The following TNFRSF14 variants were observed in gnomAD, a reference collection of about 807,000 sequenced individuals.
The protein encoded by TNFRSF14 is tumor necrosis factor receptor superfamily member 14.
A neutral mutation model predicts 34.1 loss-of-function variants in TNFRSF14; 18 were observed. That is an observed-to-expected ratio of 0.53 (90% CI 0.36 to 0.78). TNFRSF14 has a LOEUF of 0.78. Ranked by LOEUF, TNFRSF14 falls within the 30% of genes least tolerant of loss-of-function variation. The pLI, the probability that TNFRSF14 is intolerant of heterozygous loss-of-function variation, is 0.00. For synonymous variants in TNFRSF14, 157 were observed against 153.2 expected, an observed-to-expected ratio of 1.02 and a Z score of -0.18; for missense variants, 352 against 379.5, an observed-to-expected ratio of 0.93 and a Z score of 0.60.
rs1644343445 is a variant in TNFRSF14 at position 2,563,562 on chromosome 1, A to G, written c.*289A>G. On this transcript the variant is annotated 3_prime_UTR_variant, in exon 8 of 8. Transcript: ENST00000355716. Reference sequence around the variant, plus strand: ...GTTGCCCCTCGCTCACAGACCACACACCCAGCCCTCCTGGGCCAGCCCAGA... The same window carrying G: ...GTTGCCCCTCGCTCACAGACCACACGCCCAGCCCTCCTGGGCCAGCCCAGA... The G allele has an allele frequency of 4.9e-6, 2 of 409,934 alleles. No individual in the cohort carries two copies. 25.4% of individuals were successfully genotyped at this position (409,934 alleles called of 1,614,324 possible).
In TNFRSF14 at chr1:2,559,838, C is replaced by T. The variant is rs374643973; in HGVS notation, c.320C>T (p.Ala107Val). The T allele has an allele frequency of 8.7e-6, 14 of 1,607,618 alleles. No individual in the cohort carries two copies. The highest frequency in any genetic ancestry group is 8.0e-5 in the African/African-American group (6 of 74,886). The change falls in exon 4 of 8, where the codon GCG becomes GTG. Residue 107 changes from alanine to valine, a missense_variant. By Grantham distance (64) the Ala-to-Val change is moderately conservative. Coordinates refer to ENST00000355716, the MANE Select transcript of TNFRSF14 (RefSeq NM_003820.4). ...TGGACTCCAGCCATGGGCCTGCGCGCGAGCCGGAACTGCTCCAGGACAGAG... is the reference window on the plus strand; with the variant it reads ...TGGACTCCAGCCATGGGCCTGCGCGTGAGCCGGAACTGCTCCAGGACAGAG... ...QMCDPAMGLR[A>V]SRNCSRTENA...
upstream of TNFRSF14, chr1:2,556,112 C>T (rs539043445): frequency 1.7e-5 from 6 of 358,612 alleles, no homozygotes; most frequent in African/African-American, 8.5e-5. Context: ...TTGGCCAGAC[C>T]GCATTCTGGT....
chr1:2,561,318 A>G lies in TNFRSF14; in HGVS notation c.552-355A>G. On this transcript the variant is annotated intron_variant, in intron 5 of 7. Coordinates refer to ENST00000355716, the MANE Select transcript of TNFRSF14 (RefSeq NM_003820.4). The surrounding 1 kb of genome is among the most constrained non-coding windows in gnomAD (Gnocchi z 6.0). ...TCCAGCTCTAACCATTTTTGTCCCG[A>G]CACTGGCTCTCCCTCTACCTTCTGT... 1.6e-6 allele frequency: 1 copy of G among 625,062 alleles called. No homozygotes were observed. Among genetic ancestry groups the G allele is most frequent in the Non-Finnish European group, 2.8e-6 (1 of 360,860 alleles). The allele number at this position is 625,062 out of a possible 1,614,324, so 38.7% of individuals were successfully genotyped here. A position where few individuals can be genotyped will look rare whatever the true frequency, so the allele number is the denominator to read the frequency against.
chr1:2,559,394 G>A (rs1323141656), intron 3 of TNFRSF14: 3 of 1,381,550 alleles, frequency 2.2e-6, no homozygotes, highest in Non-Finnish European at 2.9e-6. Context: ...GAAGAAGTGG[G>A]GCTCTCACCC....
At position 2,563,161 on chromosome 1, in the gene TNFRSF14, A is replaced by G; in HGVS notation, c.740A>G (p.Glu247Gly). 6.2e-7 allele frequency: 1 copy of G among 1,613,452 alleles called. No individual in the cohort carries two copies. Among genetic ancestry groups the G allele is most frequent in the Non-Finnish European group, 8.5e-7 (1 of 1,179,986 alleles). ...GTGTGCTCACAGCGGAAAAGACAGG[A>G]GGCAGAAGGTGAGGCCACAGTCATT... ...VIVSVQRKRQ[E>G]AEGEATVIEA... The change falls in exon 8 of 8, where the codon GAG becomes GGG. Residue 247 changes from glutamate (E) to glycine (G), a missense_variant. Transcript: ENST00000355716.
Position 2,561,539 on chromosome 1 carries a change from G to A in TNFRSF14, c.552-134G>A. The A allele has an allele frequency of 6.4e-7, 1 of 1,563,016 alleles. No individual in the cohort carries two copies. The highest frequency in any genetic ancestry group is 8.7e-7 in the Non-Finnish European group (1 of 1,153,480). ...CAGACCTCTGAGGTCTCATCCTGGA[G>A]CTGCCACCAGCCCAGCCTCCCTGGG... On this transcript the variant is annotated intron_variant, in intron 5 of 7. Transcript: ENST00000355716. The surrounding 1 kb of genome is among the most constrained non-coding windows in gnomAD (Gnocchi z 6.0).
At position 2,563,317 on chromosome 1, in the gene TNFRSF14, G is replaced by C. The variant is rs780880128; in HGVS notation, c.*44G>C. On this transcript the variant is annotated 3_prime_UTR_variant, in exon 8 of 8. Coordinates refer to ENST00000355716, the MANE Select transcript of TNFRSF14 (RefSeq NM_003820.4). ...CGACGCCAGAGATACCTGGAGCGAC[G>C]GCTGCTGAAAGAGGCTGTCCACCTG... 5 of 1,604,178 alleles carry C rather than the reference G, an allele frequency of 3.1e-6. No individual in the cohort carries two copies. Among genetic ancestry groups the C allele is most frequent in the Non-Finnish European group, 4.3e-6 (5 of 1,173,308 alleles).
At chr1:2,559,725 G>T in intron 3 of TNFRSF14, 98 bp from the exon 4 acceptor site, 1 of 1,538,140 alleles carries the variant, frequency 6.5e-7, no homozygotes, top group Non-Finnish European at 8.7e-7. Context: ...CTGGCAGGGC[G>T]CCCTGGCAGC....
At chr1:2,556,952 C>T (rs1335873912) in intron 1 of TNFRSF14, 3 of 503,382 alleles carry the variant, frequency 6.0e-6, no homozygotes, top group Non-Finnish European at 1.1e-5. Context: ...CAGCAGACCT[C>T]CTCCTGCGTG....
intron 3 of TNFRSF14, chr1:2,559,070 C>G: frequency 7.3e-7 from 1 of 1,369,430 alleles, no homozygotes; most frequent in Non-Finnish European, 9.6e-7. Context: ...GCCAGTGCTC[C>G]CTGCGGCCAG....
chr1:2,556,852 G>A (rs1040720623), intron 1 of TNFRSF14, 119 bp downstream of exon 1: 17 of 1,038,356 alleles, frequency 1.6e-5, no homozygotes, highest in Admixed American at 5.8e-5. Flanking sequence ...CGTCCAGCCC[G>A]TCCCCTGCTG....
chr1:2,562,640 GC>G, intron 6 of TNFRSF14: 3 of 624,316 alleles, frequency 4.8e-6, no homozygotes, highest in South Asian at 1.9e-5. Flanking sequence ...TGGGCCGGGC[GC>G]CCCCAGTCCT....
rs1050436358 is a variant in TNFRSF14 at position 2,556,619 on chromosome 1, T to C, written c.-46T>C. The C allele has an allele frequency of 6.3e-7, 1 of 1,582,512 alleles. No homozygotes were observed. Among genetic ancestry groups the C allele is most frequent in the Non-Finnish European group, 8.6e-7 (1 of 1,158,994 alleles). On this transcript the variant is annotated 5_prime_UTR_variant, in exon 1 of 8. Transcript: ENST00000355716. Reference sequence around the variant, plus strand: ...TGGCGCTGAGTTCCTCTGCTGGAGTTCATCCTGCTAGCTGGGTTCCCGAGC... The same window carrying C: ...TGGCGCTGAGTTCCTCTGCTGGAGTCCATCCTGCTAGCTGGGTTCCCGAGC...
chr1:2,560,511 C>T (rs1244387416), intron 4 of TNFRSF14, 113 bp from the exon 5 acceptor site: 2 of 734,738 alleles, frequency 2.7e-6, no homozygotes, highest in East Asian at 2.7e-5. Context: ...GCTGGTCCTC[C>T]CATCACCCGT....
chr1:2,563,122 G>A lies in TNFRSF14; in HGVS notation c.727-26G>A, dbSNP rs189581516. ...GTCCCAGGGGGGCCTGAGCAGGCAGGGTCTCCACGATTCGTGTGCTCACAG... is the reference window on the plus strand; with the variant it reads ...GTCCCAGGGGGGCCTGAGCAGGCAGAGTCTCCACGATTCGTGTGCTCACAG... On this transcript the variant is annotated intron_variant, in intron 7 of 7. Transcript: ENST00000355716. The A allele has an allele frequency of 3.9e-4, 634 of 1,612,484 alleles. No homozygotes were observed. In the African/African-American group the frequency reaches 7.4e-3, roughly 19 times the overall value.
rs1293490848 is a variant in TNFRSF14, at chr1:2,561,617, A to G, written c.552-56A>G. 1.9e-6 allele frequency: 3 copies of G among 1,608,824 alleles called. No individual in the cohort carries two copies. Among genetic ancestry groups the G allele is most frequent in the Admixed American group, 3.4e-5 (2 of 59,526 alleles). ...GAGCCAGGGAGGCTCCCTGAGGCTGAGTGAACACTGGGCGCTGCACCTGCC... is the reference window on the plus strand; with the variant it reads ...GAGCCAGGGAGGCTCCCTGAGGCTGGGTGAACACTGGGCGCTGCACCTGCC... On this transcript the variant is annotated intron_variant, in intron 5 of 7. Coordinates refer to ENST00000355716, the MANE Select transcript of TNFRSF14 (RefSeq NM_003820.4). The surrounding 1 kb of genome is among the most constrained non-coding windows in gnomAD (Gnocchi z 6.0).
intron 7 of TNFRSF14, 33 bp downstream of exon 7, chr1:2,562,929 TC>T: frequency 8.4e-7 from 1 of 1,191,620 alleles, no homozygotes; most frequent in Non-Finnish European, 1.2e-6. Flanking sequence ...CCCTCCCCCC[TC>T]CACCTTCCCA....
chr1:2,554,424 G>C (rs1270490651), upstream of TNFRSF14: 2 of 152,638 alleles, frequency 1.3e-5, no homozygotes, highest in Non-Finnish European at 2.9e-5. This position sits in a 1 kb window ranked among gnomAD's most constrained non-coding sequence, Gnocchi z 4.2. Context: ...CATTCTGTGA[G>C]AGCGGGCAGG....
At chr1:2,560,390 A>C (rs1644290281) in intron 4 of TNFRSF14, among the ~76,000 whole-genome samples, 1 of 152,038 alleles carries the variant, frequency 6.6e-6, no homozygotes, top group Non-Finnish European at 1.5e-5. Context: ...GGATGTGGAC[A>C]CAGAGGGACT....
Sources: allele counts gnomAD v4.1 joint callset (sites outside exome capture counted in the v4.1 genomes callset), GRCh38; gene constraint gnomAD v4.1.1; non-coding constraint Gnocchi (gnomAD v3.1); transcripts MANE v1.5; gene names NCBI Gene and HGNC (gene_info 2026-07-23, HGNC 2026-07-21).